MEX3B: variants seen among roughly 807,000 people sequenced by gnomAD.
MEX3B encodes mex-3 RNA binding family member B.
In MEX3B, 10 loss-of-function variants were observed where a neutral mutation model predicts 12.2. That is an observed-to-expected ratio of 0.82 (90% CI 0.51 to 1.40). MEX3B has a LOEUF of 1.40. MEX3B is among the 40% of genes most tolerant of loss of function. MEX3B has a pLI of 0.00. For synonymous variants in MEX3B, 498 were observed against 356.3 expected, an observed-to-expected ratio of 1.40 and a Z score of -4.48; for missense variants, 839 against 801.4, an observed-to-expected ratio of 1.05 and a Z score of -0.57.
Position 82,043,409 on chromosome 15 carries a change from C to A in MEX3B, c.1461G>T (p.Pro487=). 6.3e-7 allele frequency: 1 copy of A among 1,576,560 alleles called. No individual in the cohort carries two copies. The highest frequency in any genetic ancestry group is 8.6e-7 in the Non-Finnish European group (1 of 1,161,272). Residue 487 remains proline (P), a synonymous_variant, in exon 2 of 2, where the codon CCG becomes CCT. Coordinates refer to ENST00000329713, the MANE Select transcript of MEX3B (RefSeq NM_032246.6). The part of the protein sequence containing the change: ...GLGAQLPGLQ[P]SDTSGSSSSS... ...AAGAGGAGGAGCCCGACGTGTCCGACGGCTGCAAGCCAGGCAGCTGTGCCC... is the reference window on the plus strand; with the variant it reads ...AAGAGGAGGAGCCCGACGTGTCCGAAGGCTGCAAGCCAGGCAGCTGTGCCC...
In MEX3B at chr15:82,045,664, G is replaced by C. The variant is rs1331829579; in HGVS notation, c.42C>G (p.Ser14Arg). ...SLFADLERNG[S>R]GGGGGGSSGG... ...CGCTGCTGCCGCCGCCGCCGCCGCC[G>C]CTGCCGTTGCGCTCCAGGTCTGCGA... The change falls in exon 1 of 2, where the codon AGC (serine) becomes AGG (arginine). Residue 14 changes from serine (S) to arginine (R), a missense_variant. By Grantham distance (110) the Ser-to-Arg change is moderately radical. This residue lies in a region of MEX3B where 214 missense variants were observed against 223.8 expected (regional missense o/e 0.96). Coordinates refer to ENST00000329713, the MANE Select transcript of MEX3B (RefSeq NM_032246.6). The C allele has an allele frequency of 1.3e-6, 2 of 1,555,492 alleles. No homozygotes were observed. The highest frequency in any genetic ancestry group is 1.7e-6 in the Non-Finnish European group (2 of 1,155,890).
intron 1 of MEX3B, 28 bp downstream of exon 1, chr15:82,045,422 C>T: frequency 2.6e-6 from 4 of 1,543,398 alleles, no homozygotes; most frequent in Non-Finnish European, 3.6e-6. Flanking sequence ...ACCACCCCCA[C>T]CCACCTCCCC....
At position 82,044,644 on chromosome 15, in the gene MEX3B, G is replaced by A; in HGVS notation, c.257-31C>T. On this transcript the variant is annotated intron_variant, in intron 1 of 1. Transcript: ENST00000329713. This position sits in a 1 kb window ranked among gnomAD's most constrained non-coding sequence, Gnocchi z 5.3. ...AACCAGGGTGCGGAGGAGGGAGTGG[G>A]AGAGAGAGACAGACACGCCCATTAT... 1 of 1,608,900 alleles carries A rather than the reference G, an allele frequency of 6.2e-7. No individual in the cohort carries two copies. The highest frequency in any genetic ancestry group is 8.5e-7 in the Non-Finnish European group (1 of 1,175,912).
In MEX3B at chr15:82,044,672, TG is replaced by T; in HGVS notation, c.257-60del. On this transcript the variant is annotated intron_variant, in intron 1 of 1. Transcript: ENST00000329713. The surrounding 1 kb of genome is among the most constrained non-coding windows in gnomAD (Gnocchi z 5.3). The stretch of plus-strand genomic sequence containing the variant: ...AGAGAGACAGACACGCCCATTATCC[TG>T]GGGTAACCGCGGGGACCGGGGACAG... The T allele has an allele frequency of 6.4e-7, 1 of 1,569,438 alleles. No homozygotes were observed.
rs2141168966 is a variant in MEX3B at position 82,042,970 on chromosome 15, A to C, written c.*190T>G. 1 of 456,052 alleles carries C rather than the reference A, an allele frequency of 2.2e-6. No homozygotes were observed. The highest frequency in any genetic ancestry group is 8.5e-5 in the South Asian group (1 of 11,772). 28.3% of individuals were successfully genotyped at this position (456,052 alleles called of 1,614,324 possible). On this transcript the variant is annotated 3_prime_UTR_variant, in exon 2 of 2. Transcript: ENST00000329713. ...TATCCTGGCAAATTCCTTTACTTAA[A>C]AATTAAATTTTAAAAATGAGCGGAT...
rs1285482769 is a variant in MEX3B at position 82,044,857 on chromosome 15, C to CA, written c.257-245dup. On this transcript the variant is annotated intron_variant, in intron 1 of 1. Transcript: ENST00000329713. The surrounding 1 kb of genome is among the most constrained non-coding windows in gnomAD (Gnocchi z 5.3). ...CTGCCTGGCCCTCCCCCAGTGACTG[C>CA]AGTCGTCCCGAACCAAACCCGAGAA... 2 of 594,692 alleles carry CA rather than the reference C, an allele frequency of 3.4e-6. No homozygotes were observed. The highest frequency in any genetic ancestry group is 6.0e-6 in the Non-Finnish European group (2 of 334,170). 36.8% of individuals were successfully genotyped at this position (594,692 alleles called of 1,614,324 possible).
In MEX3B at chr15:82,044,776, G is replaced by T; in HGVS notation, c.257-163C>A. On this transcript the variant is annotated intron_variant, in intron 1 of 1. Transcript: ENST00000329713. The surrounding 1 kb of genome is among the most constrained non-coding windows in gnomAD (Gnocchi z 5.3). The stretch of plus-strand genomic sequence containing the variant: ...GTCTCCCTCACTGACCTCGGGCCGC[G>T]CCACGGGCTGGGCAGCGGATCCCAC... 1.4e-5 allele frequency: 10 copies of T among 719,692 alleles called. No individual in the cohort carries two copies. The South Asian group carries it at 1.8e-4, about 13-fold the overall frequency. 44.6% of individuals were successfully genotyped at this position (719,692 alleles called of 1,614,324 possible).
At position 82,042,738 on chromosome 15, in the gene MEX3B, CACT is replaced by C. The variant is rs2073227533; in HGVS notation, c.*419_*421del. The stretch of plus-strand genomic sequence containing the variant: ...ACTAAACAGTCCACACATCCCATAG[CACT>C]ACTATCATCTTCATCATAATTATTA... On this transcript the variant is annotated 3_prime_UTR_variant, in exon 2 of 2. Coordinates refer to ENST00000329713, the MANE Select transcript of MEX3B (RefSeq NM_032246.6). The C allele has an allele frequency of 6.5e-6, 1 of 154,608 alleles. No homozygotes were observed. The highest frequency in any genetic ancestry group is 6.5e-5 in the Admixed American group (1 of 15,368). 9.6% of individuals were successfully genotyped at this position (154,608 alleles called of 1,614,324 possible).
chr15:82,045,988 G>A lies in MEX3B; in HGVS notation c.-283C>T. The A allele has an allele frequency of 5.6e-6, 2 of 359,912 alleles. No homozygotes were observed. The highest frequency in any genetic ancestry group is 4.7e-5 in the Admixed American group (1 of 21,242). The allele number at this position is 359,912 out of a possible 1,614,324, so 22.3% of individuals were successfully genotyped here. On this transcript the variant is annotated 5_prime_UTR_variant, in exon 1 of 2. Transcript: ENST00000329713. ...GGCCGCGCGTGCCCCCCGAGTGCCC[G>A]GCTGGCTGGCCGCAATGCCGAGCGA...
In MEX3B at chr15:82,045,734, C is replaced by T. The variant is rs948825621; in HGVS notation, c.-29G>A. ...TCGGCCGTGCGCGCCGCGCCCCCGCCGGCCCTCGGCTCGGCGGCGAGAAGC... is the reference window on the plus strand; with the variant it reads ...TCGGCCGTGCGCGCCGCGCCCCCGCTGGCCCTCGGCTCGGCGGCGAGAAGC... On this transcript the variant is annotated 5_prime_UTR_variant, in exon 1 of 2. Coordinates refer to ENST00000329713, the MANE Select transcript of MEX3B (RefSeq NM_032246.6). 7 of 1,318,694 alleles carry T rather than the reference C, an allele frequency of 5.3e-6. No individual in the cohort carries two copies. The highest frequency in any genetic ancestry group is 1.6e-5 in the African/African-American group (1 of 64,504). 81.7% of individuals were successfully genotyped at this position (1,318,694 alleles called of 1,614,324 possible). A position where few individuals can be genotyped will look rare whatever the true frequency, so the allele number is the denominator to read the frequency against.
rs2073228303 is a variant in MEX3B at position 82,042,862 on chromosome 15, C to A, written c.*298G>T. Reference sequence around the variant, plus strand: ...AAGTACAGTGTAAAAACTATCATTACTAGAATGTCGCCGTTCCTATTATTT... The same window carrying A: ...AAGTACAGTGTAAAAACTATCATTAATAGAATGTCGCCGTTCCTATTATTT... On this transcript the variant is annotated 3_prime_UTR_variant, in exon 2 of 2. Coordinates refer to ENST00000329713, the MANE Select transcript of MEX3B (RefSeq NM_032246.6). 1 of 260,174 alleles carries A rather than the reference C, an allele frequency of 3.8e-6. No homozygotes were observed. Among genetic ancestry groups the A allele is most frequent in the African/African-American group, 2.2e-5 (1 of 45,390 alleles). 16.1% of individuals were successfully genotyped at this position (260,174 alleles called of 1,614,324 possible). A position where few individuals can be genotyped will look rare whatever the true frequency, so the allele number is the denominator to read the frequency against.
At position 82,043,129 on chromosome 15, in the gene MEX3B, G is replaced by A. The variant is rs749780521; in HGVS notation, c.*31C>T. Reference sequence around the variant, plus strand: ...TGGGGAGGGGTTCCCCCTTCCCCCAGCACGGTGCGCACTAGCAGCGCCCGC... The same window carrying A: ...TGGGGAGGGGTTCCCCCTTCCCCCAACACGGTGCGCACTAGCAGCGCCCGC... On this transcript the variant is annotated 3_prime_UTR_variant, in exon 2 of 2. Coordinates refer to ENST00000329713, the MANE Select transcript of MEX3B (RefSeq NM_032246.6). 6.7e-7 allele frequency: 1 copy of A among 1,496,402 alleles called. No individual in the cohort carries two copies. Among genetic ancestry groups the A allele is most frequent in the Admixed American group, 2.4e-5 (1 of 42,212 alleles). 92.7% of individuals were successfully genotyped at this position (1,496,402 alleles called of 1,614,324 possible).
Position 82,045,525 on chromosome 15 carries a change from T to A in MEX3B, c.181A>T (p.Lys61Ter). The A allele has an allele frequency of 6.2e-7, 1 of 1,612,756 alleles. No homozygotes were observed. Among genetic ancestry groups the A allele is most frequent in the Non-Finnish European group, 8.5e-7 (1 of 1,179,902 alleles). Reference protein sequence around the residue: ...GASLYDSEPRKKSVNMTECVP... With the variant: ...GASLYDSEPR ...CACTCGGTCATGTTCACGCTCTTCT[T>A]GCGCGGCTCGCTGTCGTACAGAGAG... The change falls in exon 1 of 2, where the codon AAG becomes TAG. Residue 61 changes from lysine to a stop codon, truncating the protein, a stop_gained. Transcript: ENST00000329713. LOFTEE classifies it high-confidence loss of function.
At chr15:82,045,286 C>T in intron 1 of MEX3B, 164 bp downstream of exon 1, 2 of 857,512 alleles carry the variant, frequency 2.3e-6, no homozygotes, top group South Asian at 1.4e-5. Flanking sequence ...AGACAGCCTG[C>T]CTGCACTTTC....
In MEX3B at chr15:82,045,606, G is replaced by T; in HGVS notation, c.100C>A (p.Leu34Met). Residue 34 changes from leucine to methionine, a missense_variant, in exon 1 of 2, where the codon CTG becomes ATG. This residue lies in a region of MEX3B where 214 missense variants were observed against 223.8 expected (regional missense o/e 0.96). Transcript: ENST00000329713. Reference sequence around the variant, plus strand: ...GAGAGCTGGTCGAGCGCGAGCTGCAGGGCTCTTTGGTCATCCAGGGTCTCT... The same window carrying T: ...GAGAGCTGGTCGAGCGCGAGCTGCATGGCTCTTTGGTCATCCAGGGTCTCT... ...GGETLDDQRA[L>M]QLALDQLSLL... 6.2e-7 allele frequency: 1 copy of T among 1,606,994 alleles called. No homozygotes were observed.
chr15:82,043,345 C>G lies in MEX3B; in HGVS notation c.1525G>C (p.Gly509Arg). Residue 509 changes from glycine (G) to arginine (R), a missense_variant, in exon 2 of 2, where the codon GGG becomes CGG. This residue lies in a region of MEX3B where 573 missense variants were observed against 488.9 expected (regional missense o/e 1.17). Coordinates refer to ENST00000329713, the MANE Select transcript of MEX3B (RefSeq NM_032246.6). Reference protein sequence around the residue: ...SSSSSSSSSSGLRRKGSRDCS... With the variant: ...SSSSSSSSSSRLRRKGSRDCS... ...TCGCGGCTGCCTTTACGCCGAAGCC[C>G]GGAGGAAGAGGATGAAGAGCTGGAG... is the stretch of plus-strand genomic sequence containing the variant. 6.3e-7 allele frequency: 1 copy of G among 1,597,214 alleles called. No individual in the cohort carries two copies. Among genetic ancestry groups the G allele is most frequent in the Non-Finnish European group, 8.5e-7 (1 of 1,171,620 alleles).
In MEX3B at chr15:82,044,908, G is replaced by A. The variant is rs2073247042; in HGVS notation, c.257-295C>T. On this transcript the variant is annotated intron_variant, in intron 1 of 1. Transcript: ENST00000329713. This position sits in a 1 kb window ranked among gnomAD's most constrained non-coding sequence, Gnocchi z 5.3. ...TCCCAGAAAAGTCATCTGGGGAGAT[G>A]CCGCTGGGATCCAGCTGGGCGCGCC... is the stretch of plus-strand genomic sequence containing the variant. The A allele has an allele frequency of 3.5e-6, 2 of 577,134 alleles. No homozygotes were observed. Among genetic ancestry groups the A allele is most frequent in the Admixed American group, 6.2e-5 (2 of 32,300 alleles). 35.8% of individuals were successfully genotyped at this position (577,134 alleles called of 1,614,324 possible). A position where few individuals can be genotyped will look rare whatever the true frequency, so the allele number is the denominator to read the frequency against.
At position 82,043,169 on chromosome 15, in the gene MEX3B, G is replaced by C; in HGVS notation, c.1701C>G (p.Ile567Met). 7.2e-6 allele frequency: 11 copies of C among 1,530,900 alleles called. No individual in the cohort carries two copies. Among genetic ancestry groups the C allele is most frequent in the East Asian group, 2.3e-5 (1 of 43,486 alleles). 94.8% of individuals were successfully genotyped at this position (1,530,900 alleles called of 1,614,324 possible). A position where few individuals can be genotyped will look rare whatever the true frequency, so the allele number is the denominator to read the frequency against. Residue 567 changes from isoleucine to methionine, a missense_variant, in exon 2 of 2, where the codon ATC (isoleucine) becomes ATG (methionine). Coordinates refer to ENST00000329713, the MANE Select transcript of MEX3B (RefSeq NM_032246.6). Reference protein sequence around the residue: ...CHTAVTQAIRIFS With the variant: ...CHTAVTQAIRMFS ...GCAGCGCCCGCTGCCTTTAAGAAAA[G>C]ATGCGGATGGCCTGAGTGACCGCGG... is the stretch of plus-strand genomic sequence containing the variant.
rs1402749045 is a variant in MEX3B at position 82,045,674 on chromosome 15, C to A, written c.32G>T (p.Arg11Leu). 3 of 1,546,152 alleles carry A rather than the reference C, an allele frequency of 1.9e-6. No individual in the cohort carries two copies. The highest frequency in any genetic ancestry group is 2.7e-5 in the African/African-American group (2 of 73,376). The change falls in exon 1 of 2, where the codon CGC becomes CTC. Residue 11 changes from arginine (R) to leucine (L), a missense_variant. Arg to Leu is a moderately radical substitution (Grantham distance 102). Coordinates refer to ENST00000329713, the MANE Select transcript of MEX3B (RefSeq NM_032246.6). MPSSLFADLE[R>L]NGSGGGGGGS... ...GCCGCCGCCGCCGCCGCTGCCGTTGCGCTCCAGGTCTGCGAACAGCGAGCT... is the reference window on the plus strand; with the variant it reads ...GCCGCCGCCGCCGCCGCTGCCGTTGAGCTCCAGGTCTGCGAACAGCGAGCT...
Sources: gnomAD v4.1 joint callset for allele counts on GRCh38, gnomAD v4.1.1 for gene constraint, gnomAD v4.1.1 regional missense constraint, Gnocchi (gnomAD v3.1) non-coding constraint, MANE v1.5 for transcripts, NCBI Gene and HGNC (gene_info 2026-07-23, HGNC 2026-07-21) for gene names.